Variants in AGO2 observed in about 807,000 individuals in gnomAD.
AGO2 encodes argonaute RISC catalytic component 2.
A neutral mutation model predicts 102.3 loss-of-function variants in AGO2; 5 were observed. The observed-to-expected ratio is 0.05, with a 90% CI of 0.03 to 0.10. The LOEUF is 0.10. AGO2 is among the 10% of genes least tolerant of loss of function. The pLI, the probability that AGO2 is intolerant of heterozygous loss-of-function variation, is 1.00. For synonymous variants in AGO2, 449 were observed against 473.1 expected (o/e 0.95, Z 0.66); for missense variants, 541 against 1,183.7 (o/e 0.46, Z 7.97).
In AGO2 at chr8:140,527,778, TC is replaced by T. The variant is rs2072530111; in HGVS notation, c.*4265del. 6.6e-6 allele frequency: 1 copy of T among 152,276 alleles called. No individual in the cohort carries two copies. The highest frequency in any genetic ancestry group is 1.5e-5 in the Non-Finnish European group (1 of 68,058). 9.4% of individuals were successfully genotyped at this position (152,276 alleles called of 1,614,324 possible). On this transcript the variant is annotated 3_prime_UTR_variant, in exon 19 of 19. Coordinates refer to ENST00000220592, the MANE Select transcript of AGO2 (RefSeq NM_012154.5). This position sits in a 1 kb window ranked among gnomAD's most constrained non-coding sequence, Gnocchi z 6.0. ...GTCAGAGAGAGGTCACAGGAAAATGTCGTATGGCTTGTCTGGGCCACTGGGA... is the reference window on the plus strand; with the variant it reads ...GTCAGAGAGAGGTCACAGGAAAATGTGTATGGCTTGTCTGGGCCACTGGGA...
At chr8:140,572,520 G>T in intron 3 of AGO2, 1 of 259,892 alleles carries the variant, frequency 3.8e-6, no homozygotes, top group Non-Finnish European at 7.3e-6. Context: ...TTGTCTGGCG[G>T]TGGTTTGTGG....
At position 140,538,657 on chromosome 8, in the gene AGO2, G is replaced by C. The variant is rs114319222; in HGVS notation, c.2169+663C>G. ...CCACAGGGACCTGCCGGGAGGGTCC[G>C]AGTTTGCACCACTCTGCCAATTCTT... On this transcript the variant is annotated intron_variant, in intron 16 of 18. Transcript: ENST00000220592. 4.3e-3 allele frequency among the ~76,000 whole-genome samples: 661 copies of C among 152,274 alleles called. 1 individual carries two copies. The highest frequency in any genetic ancestry group is 7.7e-3 in the Admixed American group (117 of 15,290).
chr8:140,605,220 G>C (rs1216387919), intron 1 of AGO2, among the ~76,000 whole-genome samples: 1 of 152,128 alleles, frequency 6.6e-6, no homozygotes, highest in African/African-American at 2.4e-5. Context: ...TCAGCCTCCT[G>C]AGTAGCTAGG....
intron 1 of AGO2, among the ~76,000 whole-genome samples, chr8:140,621,054 A>T (rs1387605247): frequency 1.3e-5 from 2 of 152,144 alleles, no homozygotes; most frequent in African/African-American, 2.4e-5. Flanking sequence ...TCCATGCCAA[A>T]GGAGCAGAAG....
At chr8:140,584,883 T>A (rs191248542) in intron 2 of AGO2, among the ~76,000 whole-genome samples, 1 of 152,284 alleles carries the variant, frequency 6.6e-6, no homozygotes, top group Non-Finnish European at 1.5e-5. Context: ...ACGATGTATG[T>A]ATTTCACTAT....
intron 5 of AGO2, 110 bp from the exon 6 acceptor site, chr8:140,559,639 G>A (rs1283370966): frequency 1.4e-5 from 20 of 1,445,242 alleles, no homozygotes; most frequent in African/African-American, 8.5e-5. Flanking sequence ...GGGGACACCC[G>A]GCCGGGGTTC....
At position 140,585,314 on chromosome 8, in the gene AGO2, G is replaced by A. The variant is rs781751791; in HGVS notation, c.23-3C>T. The A allele has an allele frequency of 1.6e-5, 26 of 1,613,132 alleles. No homozygotes were observed. The South Asian group carries it at 2.9e-4, about 18-fold the overall frequency. ...CGGCGGCGCAGGAGGTGCAAGTGCT[G>A]GAATGGCAGAGAGAACACCCATTAA... is the stretch of plus-strand genomic sequence containing the variant. On this transcript the variant is annotated splice_region_variant and splice_polypyrimidine_tract_variant and intron_variant, in intron 1 of 18. Coordinates refer to ENST00000220592, the MANE Select transcript of AGO2 (RefSeq NM_012154.5).
At chr8:140,625,262 T>C (rs558706292) in intron 1 of AGO2, among the ~76,000 whole-genome samples, 37 of 152,280 alleles carry the variant, frequency 2.4e-4, no homozygotes, top group Middle Eastern at 6.8e-3. Flanking sequence ...CCTGCCACCA[T>C]GCCCGGCTAA....
At chr8:140,542,488 T>C (rs536382627) in intron 14 of AGO2, among the ~76,000 whole-genome samples, 52 of 149,630 alleles carry the variant, frequency 3.5e-4, no homozygotes, top group South Asian at 2.8e-3. Context: ...AGAAATACAT[T>C]AACATAAACA....
At chr8:140,613,845 G>T (rs34869913) in intron 1 of AGO2, among the ~76,000 whole-genome samples, 49,621 of 134,106 alleles carry the variant, frequency 0.37, 8,354 homozygotes, top group Admixed American at 0.47. Context: ...GAGAGACCTC[G>T]TCTCCACAAC....
intron 1 of AGO2, among the ~76,000 whole-genome samples, chr8:140,610,109 G>A (rs912171131): frequency 6.6e-6 from 1 of 151,800 alleles, no homozygotes; most frequent in Admixed American, 6.6e-5. Flanking sequence ...AGAGGCTGAG[G>A]CAGGAGGATT....
intron 1 of AGO2, among the ~76,000 whole-genome samples, chr8:140,618,875 T>C (rs2074178373): frequency 6.6e-6 from 1 of 152,056 alleles, no homozygotes; most frequent in Non-Finnish European, 1.5e-5. Flanking sequence ...AGGTGGTTTT[T>C]TTTTTCTTTT....
chr8:140,608,603 G>A (rs1420523684), intron 1 of AGO2, among the ~76,000 whole-genome samples: 1 of 152,232 alleles, frequency 6.6e-6, no homozygotes. Context: ...CTGAGGGAAG[G>A]TCATGGCTGG....
At chr8:140,642,067 A>C in the AGO2 span, among the ~76,000 whole-genome samples, 1 of 152,208 alleles carries the variant, frequency 6.6e-6, no homozygotes, top group Non-Finnish European at 1.5e-5. Context: ...AAGGAAAAAA[A>C]AAGAAAGGAA....
intron 6 of AGO2, among the ~76,000 whole-genome samples, chr8:140,558,927 G>A (rs1168918074): frequency 5.9e-5 from 9 of 152,188 alleles, no homozygotes; most frequent in Admixed American, 5.2e-4. Context: ...GTGGAGCCAG[G>A]GGTGGGCCCC....
chr8:140,541,037 C>A (rs928059312), intron 15 of AGO2, 127 bp downstream of exon 15: 11 of 1,146,678 alleles, frequency 9.6e-6, no homozygotes, highest in Non-Finnish European at 1.3e-5. Context: ...CATGGTGTGA[C>A]CAGATCAGCC....
rs1237415422 is a variant in AGO2, at chr8:140,520,165, G to A, written c.*11879C>T. 6.6e-6 allele frequency: 1 copy of A among 152,160 alleles called. No individual in the cohort carries two copies. Among genetic ancestry groups the A allele is most frequent in the Non-Finnish European group, 1.5e-5 (1 of 68,034 alleles). 9.4% of individuals were successfully genotyped at this position (152,160 alleles called of 1,614,324 possible). A position where few individuals can be genotyped will look rare whatever the true frequency, so the allele number is the denominator to read the frequency against. ...TTTTGGAAGAGGCAGCTGTAAATAG[G>A]AGGACTTTTATTTAATTTTTTGCTG... On this transcript the variant is annotated 3_prime_UTR_variant, in exon 19 of 19. Transcript: ENST00000220592.
chr8:140,610,108 G>A (rs2074057281), intron 1 of AGO2, among the ~76,000 whole-genome samples: 1 of 151,790 alleles, frequency 6.6e-6, no homozygotes, highest in Non-Finnish European at 1.5e-5. Flanking sequence ...GAGAGGCTGA[G>A]GCAGGAGGAT....
At chr8:140,630,505 AAGT>A (rs2074328467) in intron 1 of AGO2, among the ~76,000 whole-genome samples, 1 of 152,274 alleles carries the variant, frequency 6.6e-6, no homozygotes, top group East Asian at 1.9e-4. Context: ...TACAGCGAAC[AAGT>A]GCAGGCCCCT....
Sources: gnomAD v4.1 joint callset for allele counts (sites outside exome capture counted in the v4.1 genomes callset) on GRCh38, gnomAD v4.1.1 for gene constraint, Gnocchi (gnomAD v3.1) non-coding constraint, MANE v1.5 for transcripts, NCBI Gene and HGNC (gene_info 2026-07-23, HGNC 2026-07-21) for gene names.